SIK2: variants seen among roughly 807,000 people sequenced by gnomAD.
SIK2 encodes the protein serine/threonine-protein kinase SIK2.
In SIK2, 29 loss-of-function variants were observed where a neutral mutation model predicts 103.2. The ratio of observed to expected loss-of-function variants is 0.28; its 90% confidence interval spans 0.21 to 0.38. SIK2 has a LOEUF of 0.38. Among genes scored for constraint, SIK2 ranks in the 10% least tolerant of loss-of-function variants. SIK2 has a pLI of 1.00. For missense variants in SIK2, 879 were observed against 1,171.0 expected (o/e 0.75, Z 3.64); for synonymous variants, 412 against 446.1 (o/e 0.92, Z 0.96).
Position 111,724,933 on chromosome 11 carries a change from G to C in SIK2, c.*804G>C, listed in dbSNP as rs1026263214. ...AGAACGCATCAAGAGCACCAGCCCTGGGCCAGGGAAGACAGGCTCTTCCTG... is the reference window on the plus strand; with the variant it reads ...AGAACGCATCAAGAGCACCAGCCCTCGGCCAGGGAAGACAGGCTCTTCCTG... On this transcript the variant is annotated 3_prime_UTR_variant, in exon 15 of 15. Coordinates refer to ENST00000304987, the MANE Select transcript of SIK2 (RefSeq NM_015191.3). The C allele has an allele frequency of 6.6e-6, 1 of 152,322 alleles. No homozygotes were observed. The highest frequency in any genetic ancestry group is 6.5e-5 in the Admixed American group (1 of 15,282). The allele number at this position is 152,322 out of a possible 1,614,324, so 9.4% of individuals were successfully genotyped here.
Position 111,728,660 on chromosome 11 carries a change from G to A in SIK2, c.*4531G>A, listed in dbSNP as rs1256513016. 2.6e-5 allele frequency: 4 copies of A among 151,936 alleles called. No individual in the cohort carries two copies. Among genetic ancestry groups the A allele is most frequent in the South Asian group, 2.1e-4 (1 of 4,804 alleles). 9.4% of individuals were successfully genotyped at this position (151,936 alleles called of 1,614,324 possible). ...AAGAGCAGTATCAGCCGGGCGCGGT[G>A]GCTCACGCCTGTAATCCCAACACTT... is the stretch of plus-strand genomic sequence containing the variant. On this transcript the variant is annotated 3_prime_UTR_variant, in exon 15 of 15. Coordinates refer to ENST00000304987, the MANE Select transcript of SIK2 (RefSeq NM_015191.3).
At position 111,719,931 on chromosome 11, in the gene SIK2, T is replaced by C; in HGVS notation, c.1423T>C (p.Ser475Pro). The part of the protein sequence containing the change: ...DPAHAFEAFQ[S>P]TRSGQRRHTL... The stretch of plus-strand genomic sequence containing the variant: ...CGCTCATGCCTTTGAGGCATTTCAG[T>C]CCACACGCAGCGGGCAGAGACGGCA... The change falls in exon 10 of 15, where the codon TCC (serine) becomes CCC (proline). Residue 475 changes from serine to proline, a missense_variant. This residue lies in a region of SIK2 where 222 missense variants were observed against 258.0 expected (regional missense o/e 0.86). Coordinates refer to ENST00000304987, the MANE Select transcript of SIK2 (RefSeq NM_015191.3). The C allele has an allele frequency of 3.7e-6, 6 of 1,614,086 alleles. No homozygotes were observed. Among genetic ancestry groups the C allele is most frequent in the Non-Finnish European group, 5.1e-6 (6 of 1,180,024 alleles).
At position 111,700,971 on chromosome 11, in the gene SIK2, T is replaced by C; in HGVS notation, c.564T>C (p.Phe188=). ...GSPPYAAPEV[F]EGQQYEGPQL... is the part of the protein sequence containing the mutation. ...CCCCTTATGCAGCCCCAGAAGTCTT[T>C]GAAGGGCAGCAGTATGAAGGACCAC... Residue 188 remains phenylalanine (F), a synonymous_variant, in exon 5 of 15, where the codon TTT becomes TTC. Coordinates refer to ENST00000304987, the MANE Select transcript of SIK2 (RefSeq NM_015191.3). 2.5e-6 allele frequency: 4 copies of C among 1,614,074 alleles called. No homozygotes were observed. The highest frequency in any genetic ancestry group is 2.5e-6 in the Non-Finnish European group (3 of 1,179,970).
intron 3 of SIK2, among the ~76,000 whole-genome samples, chr11:111,624,433 G>A (rs988846943): frequency 1.2e-4 from 19 of 152,118 alleles, no homozygotes; most frequent in Non-Finnish European, 1.8e-4. Flanking sequence ...TTACAATGCC[G>A]GCTATACCAT....
chr11:111,719,879 G>C lies in SIK2; in HGVS notation c.1371G>C (p.Glu457Asp). 6.2e-7 allele frequency: 1 copy of C among 1,614,174 alleles called. No homozygotes were observed. The highest frequency in any genetic ancestry group is 8.5e-7 in the Non-Finnish European group (1 of 1,180,024). Residue 457 changes from glutamate (E) to aspartate (D), a missense_variant, in exon 10 of 15, where the codon GAG becomes GAC. By Grantham distance (45) the Glu-to-Asp change is conservative. This residue lies in a region of SIK2 where 222 missense variants were observed against 258.0 expected (regional missense o/e 0.86). Coordinates refer to ENST00000304987, the MANE Select transcript of SIK2 (RefSeq NM_015191.3). ...MMETSIDEGL[E>D]TEGEAEEDPA... ...AGACCTCCATTGACGAAGGGCTGGA[G>C]ACAGAAGGAGAGGCCGAGGAAGACC... is the stretch of plus-strand genomic sequence containing the variant.
At chr11:111,683,077 A>G (rs966972158) in intron 3 of SIK2, 6 of 152,270 alleles carry the variant, frequency 3.9e-5, no homozygotes, top group Non-Finnish European at 8.8e-5. Context: ...AGAATTTTCT[A>G]AAAACTGTAT....
chr11:111,677,031 G>A (rs1263981058), intron 3 of SIK2, among the ~76,000 whole-genome samples: 1 of 152,162 alleles, frequency 6.6e-6, no homozygotes, highest in Non-Finnish European at 1.5e-5. Context: ...TCATCACTTA[G>A]AAATAATTCA....
intron 3 of SIK2, among the ~76,000 whole-genome samples, chr11:111,675,882 CT>C (rs1942696873): frequency 6.6e-6 from 1 of 152,170 alleles, no homozygotes; most frequent in African/African-American, 2.4e-5. Flanking sequence ...GTTAGGCCAT[CT>C]TTCAACCCTC....
chr11:111,631,885 G>A (rs1252386790), intron 3 of SIK2, among the ~76,000 whole-genome samples: 1 of 152,158 alleles, frequency 6.6e-6, no homozygotes, highest in Non-Finnish European at 1.5e-5. Context: ...GTGGCATGCT[G>A]GGAATGCATC....
chr11:111,669,446 C>T (rs1158370291), intron 3 of SIK2, among the ~76,000 whole-genome samples: 1 of 151,902 alleles, frequency 6.6e-6, no homozygotes, highest in Non-Finnish European at 1.5e-5. Context: ...AATGTTTTCC[C>T]AAAATCAGGC....
chr11:111,615,728 G>T (rs536229087), intron 1 of SIK2, among the ~76,000 whole-genome samples: 1 of 152,256 alleles, frequency 6.6e-6, no homozygotes, highest in South Asian at 2.1e-4. Flanking sequence ...TTAAAAGAAA[G>T]TCCAATTGTA....
intron 3 of SIK2, among the ~76,000 whole-genome samples, chr11:111,679,800 G>A (rs1367688158): frequency 6.6e-6 from 1 of 152,136 alleles, no homozygotes; most frequent in Non-Finnish European, 1.5e-5. Context: ...AAGCTGAGCT[G>A]TCAAGATTGA....
intron 12 of SIK2, 104 bp downstream of exon 12, chr11:111,721,166 C>CA: frequency 7.3e-7 from 1 of 1,360,590 alleles, no homozygotes; most frequent in Middle Eastern, 2.6e-4. Flanking sequence ...AGTCCTGGAG[C>CA]AAACAGGCTG....
At chr11:111,637,456 CTTTTTTT>C (rs558690499) in intron 3 of SIK2, among the ~76,000 whole-genome samples, 7 of 124,708 alleles carry the variant, frequency 5.6e-5, no homozygotes, top group African/African-American at 2.2e-4. Context: ...TTTGTAATAT[CTTTTTTT>C]TTTTTTTTTT....
Position 111,616,073 on chromosome 11 carries a change from G to A in SIK2, c.136-170G>A, listed in dbSNP as rs532033876. Among the ~76,000 whole-genome samples, 14 of 152,214 alleles carry A rather than the reference G, an allele frequency of 9.2e-5. 1 individual carries two copies. In the South Asian group the frequency reaches 1.9e-3, roughly 20 times the overall value. On this transcript the variant is annotated intron_variant, in intron 1 of 14. Transcript: ENST00000304987. ...AAACAACATCTACTGCCTTACACAT[G>A]GTATTAGTTTAAGAAATATTTGTTG...
At chr11:111,639,602 C>G (rs1373654039) in intron 3 of SIK2, among the ~76,000 whole-genome samples, 1 of 152,180 alleles carries the variant, frequency 6.6e-6, no homozygotes, top group Non-Finnish European at 1.5e-5. Flanking sequence ...ATTTGTTAAC[C>G]CTTTTTCTTT....
chr11:111,614,978 A>C (rs918552179), intron 1 of SIK2, among the ~76,000 whole-genome samples: 2 of 152,034 alleles, frequency 1.3e-5, no homozygotes, highest in African/African-American at 4.8e-5. Flanking sequence ...ATCTCTACCA[A>C]AAATACAAAA....
At chr11:111,608,860 G>A (rs1489187300) in intron 1 of SIK2, among the ~76,000 whole-genome samples, 1 of 152,028 alleles carries the variant, frequency 6.6e-6, no homozygotes, top group Non-Finnish European at 1.5e-5. Flanking sequence ...CCTATCTTAC[G>A]GTGTAGGATG....
intron 12 of SIK2, 78 bp downstream of exon 12, chr11:111,721,140 T>G (rs1943788563): frequency 6.7e-7 from 1 of 1,485,146 alleles, no homozygotes; most frequent in Admixed American, 2.3e-5. Flanking sequence ...TCATTTTCAC[T>G]TAGAGGATTT....
Sources: allele counts gnomAD v4.1 joint callset (sites outside exome capture counted in the v4.1 genomes callset), GRCh38; gene constraint gnomAD v4.1.1; regional missense constraint gnomAD v4.1.1; transcripts MANE v1.5; gene names NCBI Gene and HGNC (gene_info 2026-07-23, HGNC 2026-07-21).